Variants in KDM2A observed in about 807,000 individuals in gnomAD.
KDM2A encodes lysine-specific demethylase 2A.
Under a neutral mutation model 137.3 loss-of-function variants are expected in KDM2A, and 3 were observed. The ratio of observed to expected loss-of-function variants is 0.02; its 90% CI spans 0.01 to 0.06. KDM2A has a LOEUF of 0.06. Among genes scored for constraint, KDM2A ranks in the 10% least tolerant of loss-of-function variants. The probability of loss-of-function intolerance (pLI) is 1.00; values close to 1 mark genes in which losing one functional copy is unlikely to be tolerated. For synonymous variants in KDM2A, 512 were observed against 541.5 expected (o/e 0.95, Z 0.76); for missense variants, 738 against 1,510.6 (o/e 0.49, Z 8.48).
In KDM2A at chr11:67,245,239, G is replaced by A. The variant is rs746280760; in HGVS notation, c.1614G>A (p.Thr538=). The A allele has an allele frequency of 3.1e-6, 5 of 1,613,754 alleles. No individual in the cohort carries two copies. Among genetic ancestry groups the A allele is most frequent in the East Asian group, 4.5e-5 (2 of 44,892 alleles). ...TGCGGGTTCCTACCATCCCCATTAC[G>A]AAGCCTCACACTATGAAACCAGCTC... ...PKVRVPTIPI[T]KPHTMKPAPR... is the part of the protein sequence containing the mutation. Residue 538 remains threonine, a synonymous_variant, in exon 14 of 21, where the codon ACG becomes ACA. Coordinates refer to ENST00000529006, the MANE Select transcript of KDM2A (RefSeq NM_012308.3). The surrounding 1 kb of genome is among the most constrained non-coding windows in gnomAD (Gnocchi z 4.1).
intron 5 of KDM2A, among the ~76,000 whole-genome samples, chr11:67,187,763 G>A (rs956475673): frequency 3.3e-5 from 5 of 152,152 alleles, no homozygotes; most frequent in East Asian, 3.9e-4. Context: ...TAGTAGAGAC[G>A]GGGTTTTGCC....
intron 2 of KDM2A, among the ~76,000 whole-genome samples, chr11:67,152,041 G>A (rs895470876): frequency 6.6e-6 from 1 of 152,156 alleles, no homozygotes; most frequent in Non-Finnish European, 1.5e-5. Context: ...CCCGCCGGGT[G>A]CAGTGGCTCA....
At chr11:67,136,042 C>T (rs537028995) in intron 2 of KDM2A, among the ~76,000 whole-genome samples, 3 of 152,174 alleles carry the variant, frequency 2.0e-5, no homozygotes, top group African/African-American at 7.2e-5. Flanking sequence ...TTTCACCAGG[C>T]CAGAAACCAT....
intron 5 of KDM2A, among the ~76,000 whole-genome samples, chr11:67,187,557 TTTA>T (rs1295753628): frequency 7.8e-6 from 1 of 127,824 alleles, no homozygotes; most frequent in Non-Finnish European, 1.6e-5. Context: ...ATTTTATTTA[TTTA>T]TTTATTTATT....
intron 10 of KDM2A, among the ~76,000 whole-genome samples, chr11:67,225,558 G>A (rs1056100000): frequency 2.0e-5 from 3 of 152,062 alleles, no homozygotes; most frequent in Non-Finnish European, 2.9e-5. Flanking sequence ...ATCACCTGAC[G>A]TTGGGAGTTC....
rs531334179 is a variant in KDM2A at position 67,217,547 on chromosome 11, G to A, written c.688-184G>A. Reference sequence around the variant, plus strand: ...CCTTAATGCTGTTGGATCAAGTGAAGGATAAGAAAGATCTACTGCCTTGGA... The same window carrying A: ...CCTTAATGCTGTTGGATCAAGTGAAAGATAAGAAAGATCTACTGCCTTGGA... On this transcript the variant is annotated intron_variant, in intron 8 of 20. Transcript: ENST00000529006. The A allele has an allele frequency of 2.1e-3, 1,275 of 607,536 alleles. 28 individuals are homozygous for A. The South Asian group carries it at 0.024, about 12-fold the overall frequency. 37.6% of individuals were successfully genotyped at this position (607,536 alleles called of 1,614,324 possible).
intron 2 of KDM2A, among the ~76,000 whole-genome samples, chr11:67,133,683 G>T (rs11227701): frequency 0.032 from 4,822 of 151,758 alleles, 119 homozygotes; most frequent in African/African-American, 0.07. Flanking sequence ...GATTACAGGC[G>T]TGAGCCACCG....
intron 12 of KDM2A, among the ~76,000 whole-genome samples, chr11:67,239,063 G>T (rs1858949876): frequency 6.6e-6 from 1 of 152,214 alleles, no homozygotes; most frequent in African/African-American, 2.4e-5. Flanking sequence ...AGGCAGTGAG[G>T]TGTCTTGACA....
chr11:67,182,699 A>G (rs1308530278), intron 5 of KDM2A, among the ~76,000 whole-genome samples: 1 of 151,932 alleles, frequency 6.6e-6, no homozygotes, highest in Admixed American at 6.6e-5. Flanking sequence ...GGCCCGGCTA[A>G]TTTTTGTATT....
chr11:67,203,957 C>T (rs921547855), intron 5 of KDM2A, among the ~76,000 whole-genome samples: 3 of 151,876 alleles, frequency 2.0e-5, no homozygotes, highest in Admixed American at 6.6e-5. Context: ...CGTACCACCA[C>T]GCCCAGCTAA....
At chr11:67,166,354 T>C (rs1856744565) in intron 2 of KDM2A, among the ~76,000 whole-genome samples, 1 of 151,916 alleles carries the variant, frequency 6.6e-6, no homozygotes, top group Admixed American at 6.6e-5. Flanking sequence ...CCGGCTAATT[T>C]TCACATTTTT....
chr11:67,203,787 ATTC>A (rs1403221471), intron 5 of KDM2A, among the ~76,000 whole-genome samples: 1 of 149,072 alleles, frequency 6.7e-6, no homozygotes, highest in Non-Finnish European at 1.5e-5. Context: ...TTTCCTCTAC[ATTC>A]TTTTTTTTTT....
chr11:67,142,185 C>T (rs1160357597), intron 2 of KDM2A, among the ~76,000 whole-genome samples: 1 of 151,698 alleles, frequency 6.6e-6, no homozygotes, highest in Non-Finnish European at 1.5e-5. Context: ...TACAGGTGTG[C>T]ATCACCACGC....
In KDM2A at chr11:67,247,035, TTTTA is replaced by T. The variant is rs1333519799; in HGVS notation, c.1965+921_1965+924del. ...TTTATTCATTTAATGTTATAAATTATTTTATATATATATATATATATATATATAT... is the reference window on the plus strand; with the variant it reads ...TTTATTCATTTAATGTTATAAATTATTATATATATATATATATATATATAT... On this transcript the variant is annotated intron_variant, in intron 15 of 20. Transcript: ENST00000529006. Among the ~76,000 whole-genome samples the T allele has an allele frequency of 1.9e-3, 140 of 75,020 alleles. 1 individual carries two copies. The highest frequency in any genetic ancestry group is 2.5e-3 in the Non-Finnish European group (108 of 42,356). The allele number at this position is 75,020 out of a possible 152,430, so 49.2% of individuals were successfully genotyped here.
chr11:67,157,740 C>T lies in KDM2A; in HGVS notation c.43-22339C>T, dbSNP rs962179712. Among the ~76,000 whole-genome samples the T allele has an allele frequency of 2.8e-5, 4 of 143,628 alleles. 1 individual carries two copies. Among genetic ancestry groups the T allele is most frequent in the East Asian group, 4.0e-4 (2 of 4,978 alleles). 94.2% of individuals were successfully genotyped at this position (143,628 alleles called of 152,430 possible). On this transcript the variant is annotated intron_variant, in intron 2 of 20. Coordinates refer to ENST00000529006, the MANE Select transcript of KDM2A (RefSeq NM_012308.3). ...AGCCTGGGCGACAAAAGCAAGACTC[C>T]GTCTCCAAAAAAAAAAAAAAAAAAC...
intron 11 of KDM2A, among the ~76,000 whole-genome samples, chr11:67,229,011 C>G (rs1307047306): frequency 6.6e-6 from 1 of 152,132 alleles, no homozygotes; most frequent in Non-Finnish European, 1.5e-5. Flanking sequence ...TGTGAGCCAC[C>G]ACTCCTGGCC....
intron 2 of KDM2A, among the ~76,000 whole-genome samples, chr11:67,162,465 C>T (rs1353602261): frequency 2.0e-5 from 3 of 150,714 alleles, no homozygotes; most frequent in African/African-American, 4.9e-5. Flanking sequence ...AGTGCAGTGG[C>T]GTGACCTCAG....
chr11:67,249,845 G>T (rs1048736035), intron 16 of KDM2A, among the ~76,000 whole-genome samples: 3 of 152,180 alleles, frequency 2.0e-5, no homozygotes, highest in Non-Finnish European at 4.4e-5. Context: ...AATTAAAAAT[G>T]GTCAGGCCAG....
Position 67,254,159 on chromosome 11 carries a change from G to A in KDM2A, c.3092-44G>A, listed in dbSNP as rs754337092. On this transcript the variant is annotated intron_variant, in intron 19 of 20. Transcript: ENST00000529006. The surrounding 1 kb of genome is among the most constrained non-coding windows in gnomAD (Gnocchi z 4.7). ...TGCCTGGAGCCTTGAAGCTGGATTA[G>A]AGAATTGAGAGTTTTGATCTAGGCT... is the stretch of plus-strand genomic sequence containing the variant. The A allele has an allele frequency of 3.8e-6, 6 of 1,558,486 alleles. No homozygotes were observed. The South Asian group carries it at 7.0e-5, about 18-fold the overall frequency.
Sources: allele counts gnomAD v4.1 joint callset (sites outside exome capture counted in the v4.1 genomes callset), GRCh38; gene constraint gnomAD v4.1.1; non-coding constraint Gnocchi (gnomAD v3.1); transcripts MANE v1.5; gene names NCBI Gene and HGNC (gene_info 2026-07-23, HGNC 2026-07-21).